WNT3: variants seen among roughly 807,000 people sequenced by gnomAD.
WNT3 encodes Wnt family member 3.
A neutral mutation model predicts 34.2 loss-of-function variants in WNT3; 7 were observed. That is an observed-to-expected ratio of 0.20 (90% CI 0.12 to 0.38). WNT3 has a LOEUF of 0.38. Among genes scored for constraint, WNT3 ranks in the 10% least tolerant of loss-of-function variants. The pLI, the probability that WNT3 is intolerant of heterozygous loss-of-function variation, is 1.00. For synonymous variants in WNT3, 212 were observed against 211.5 expected (o/e 1.00, Z -0.02); for missense variants, 267 against 499.8 (o/e 0.53, Z 4.44).
intron 1 of WNT3, among the ~76,000 whole-genome samples, chr17:46,815,279 C>G (rs2084326421): frequency 6.6e-6 from 1 of 152,170 alleles, no homozygotes; most frequent in Admixed American, 6.5e-5. Flanking sequence ...TGTCCCGGCT[C>G]TGTCACTACC....
At chr17:46,769,391 G>A (rs1045941985) in intron 3 of WNT3, among the ~76,000 whole-genome samples, 10 of 152,152 alleles carry the variant, frequency 6.6e-5, no homozygotes, top group African/African-American at 2.2e-4. Context: ...GGGAAACTGA[G>A]GCTGGGAACT....
chr17:46,793,041 G>A (rs1017721511), intron 1 of WNT3, among the ~76,000 whole-genome samples: 1 of 151,528 alleles, frequency 6.6e-6, no homozygotes, highest in African/African-American at 2.4e-5. Context: ...GAGGCGGGAG[G>A]AGCACTTGAG....
At chr17:46,775,803 C>G (rs936957281) in intron 1 of WNT3, among the ~76,000 whole-genome samples, 2 of 151,416 alleles carry the variant, frequency 1.3e-5, no homozygotes, top group South Asian at 4.2e-4. Flanking sequence ...TTAGTAGAGA[C>G]GGGGTTTCAC....
At position 46,818,582 on chromosome 17, in the gene WNT3, G is replaced by T; in HGVS notation, c.16C>A (p.Leu6Ile). The T allele has an allele frequency of 6.2e-7, 1 of 1,603,096 alleles. No homozygotes were observed. Among genetic ancestry groups the T allele is most frequent in the Non-Finnish European group, 8.5e-7 (1 of 1,175,544 alleles). ...AGCAGGAGGCCGAGGAGCAGCCCGA[G>T]CAGGTGGGGCTCCATTAGAAGAGGC... Reference protein sequence around the residue: MEPHLLGLLLGLLLGG... With the variant: MEPHLIGLLLGLLLGG... The change falls in exon 1 of 5, where the codon CTC becomes ATC. Residue 6 changes from leucine (L) to isoleucine (I), a missense_variant. By Grantham distance (5) the Leu-to-Ile change is conservative. Transcript: ENST00000225512.
In WNT3 at chr17:46,806,868, C is replaced by G. The variant is rs572943137; in HGVS notation, c.80+11650G>C. ...TTGGGGCTCCATCTGCAGAGTGGGG[C>G]TTGGCCCTCACGATGGCTGCTGGGG... is the stretch of plus-strand genomic sequence containing the variant. On this transcript the variant is annotated intron_variant, in intron 1 of 4. Coordinates refer to ENST00000225512, the MANE Select transcript of WNT3 (RefSeq NM_030753.5). Among the ~76,000 whole-genome samples the G allele has an allele frequency of 6.1e-3, 922 of 152,362 alleles. 6 individuals are homozygous for G. Among genetic ancestry groups the G allele is most frequent in the Middle Eastern group, 0.01 (3 of 294 alleles).
At chr17:46,800,997 T>C (rs1307525713) in intron 1 of WNT3, among the ~76,000 whole-genome samples, 1 of 152,054 alleles carries the variant, frequency 6.6e-6, no homozygotes, top group Non-Finnish European at 1.5e-5. Flanking sequence ...GACTGTAACA[T>C]GAAATTAATG....
intron 1 of WNT3, among the ~76,000 whole-genome samples, chr17:46,778,310 G>A (rs541357905): frequency 6.6e-6 from 1 of 152,326 alleles, no homozygotes; most frequent in Admixed American, 6.5e-5. Flanking sequence ...TTGTGATCTG[G>A]ATGAGGGTTC....
At chr17:46,812,207 C>T (rs565849281) in intron 1 of WNT3, among the ~76,000 whole-genome samples, 1 of 152,168 alleles carries the variant, frequency 6.6e-6, no homozygotes, top group Non-Finnish European at 1.5e-5. Context: ...AGGGAATTCC[C>T]TCTCTGGCAG....
At chr17:46,784,781 T>G (rs2059488365) in intron 1 of WNT3, among the ~76,000 whole-genome samples, 1 of 147,836 alleles carries the variant, frequency 6.8e-6, no homozygotes, top group South Asian at 2.1e-4. Flanking sequence ...GCTTTTCTTT[T>G]TTTTTTTTTT....
At chr17:46,793,124 AT>A (rs2084008351) in intron 1 of WNT3, among the ~76,000 whole-genome samples, 1 of 125,796 alleles carries the variant, frequency 7.9e-6, no homozygotes, top group South Asian at 2.8e-4. Context: ...AAAAAAAAAA[AT>A]TAGCTGGGCA....
At chr17:46,812,336 A>G (rs993297679) in intron 1 of WNT3, among the ~76,000 whole-genome samples, 3 of 150,314 alleles carry the variant, frequency 2.0e-5, no homozygotes, top group African/African-American at 7.4e-5. Context: ...CCACCCCCCT[A>G]CCCCCGCCCC....
At position 46,786,625 on chromosome 17, in the gene WNT3, C is replaced by T. The variant is rs146377550; in HGVS notation, c.81-12716G>A. On this transcript the variant is annotated intron_variant, in intron 1 of 4. Coordinates refer to ENST00000225512, the MANE Select transcript of WNT3 (RefSeq NM_030753.5). ...ACTTTGCTGCGCAGTTCAGGACTCC[C>T]AGGTAAAGCCCAGATGCCCTGTGCG... 4.7e-3 allele frequency among the ~76,000 whole-genome samples: 720 copies of T among 152,362 alleles called. 7 individuals carry two copies. The highest frequency in any genetic ancestry group is 0.014 in the African/African-American group (597 of 41,592).
rs1020987168 is a variant in WNT3, at chr17:46,763,956, A to T, written c.*674T>A. ...AGAACAGGGTTATAGAGAAAATGAG[A>T]CTGAGAAGAACACATGGCTGCTCTT... On this transcript the variant is annotated 3_prime_UTR_variant, in exon 5 of 5. Coordinates refer to ENST00000225512, the MANE Select transcript of WNT3 (RefSeq NM_030753.5). 7 of 152,132 alleles carry T rather than the reference A, an allele frequency of 4.6e-5. No homozygotes were observed. Among genetic ancestry groups the T allele is most frequent in the African/African-American group, 1.4e-4 (6 of 41,402 alleles). The allele number at this position is 152,132 out of a possible 1,614,324, so 9.4% of individuals were successfully genotyped here. A position where few individuals can be genotyped will look rare whatever the true frequency, so the allele number is the denominator to read the frequency against.
chr17:46,811,104 G>C (rs1478553713), intron 1 of WNT3, among the ~76,000 whole-genome samples: 1 of 152,156 alleles, frequency 6.6e-6, no homozygotes, highest in African/African-American at 2.4e-5. Context: ...CCTCCCGGCT[G>C]TACAGGCCAG....
chr17:46,768,535 C>T lies in WNT3; in HGVS notation c.853G>A (p.Glu285Lys). ...AAGGAACCCGTCTCTGGGTTGGGCT[C>T]ACAAAAGTTGGGGGAGTTCTCGTAG... ...VYYENSPNFC[E>K]PNPETGSFGT... The change falls in exon 4 of 5, where the codon GAG becomes AAG. Residue 285 changes from glutamate to lysine, a missense_variant. Glu to Lys is a moderately conservative substitution (Grantham distance 56, BLOSUM62 1). This residue lies in a region of WNT3 where 181 missense variants were observed against 391.3 expected (regional missense o/e 0.46). Coordinates refer to ENST00000225512, the MANE Select transcript of WNT3 (RefSeq NM_030753.5). This position sits in a 1 kb window ranked among gnomAD's most constrained non-coding sequence, Gnocchi z 5.0. The T allele has an allele frequency of 6.2e-7, 1 of 1,614,172 alleles. No homozygotes were observed. The highest frequency in any genetic ancestry group is 1.1e-5 in the South Asian group (1 of 91,084).
chr17:46,804,323 G>A (rs986648359), intron 1 of WNT3, among the ~76,000 whole-genome samples: 7 of 152,304 alleles, frequency 4.6e-5, no homozygotes, highest in African/African-American at 1.7e-4. Flanking sequence ...CTGACCTCAA[G>A]TGATCTGCCT....
intron 1 of WNT3, among the ~76,000 whole-genome samples, chr17:46,796,992 G>A (rs934564824): frequency 1.3e-5 from 2 of 152,110 alleles, no homozygotes; most frequent in African/African-American, 2.4e-5. Context: ...GAATCTTCTC[G>A]ATCCCATTTT....
chr17:46,780,763 C>A (rs1476980397), intron 1 of WNT3, among the ~76,000 whole-genome samples: 1 of 151,960 alleles, frequency 6.6e-6, no homozygotes, highest in Non-Finnish European at 1.5e-5. Flanking sequence ...GGTGACAGAG[C>A]AAGACTCTGT....
rs2059347794 is a variant in WNT3, at chr17:46,769,817, G to A, written c.554C>T (p.Ala185Val). The change falls in exon 3 of 5, where the codon GCC (alanine) becomes GTC (valine). Residue 185 changes from alanine to valine, a missense_variant. By Grantham distance (64) the Ala-to-Val change is moderately conservative (BLOSUM62 0). This residue lies in a region of WNT3 where 181 missense variants were observed against 391.3 expected (regional missense o/e 0.46). Transcript: ENST00000225512. ...CGCCTCGTTGTTGTGCTTGTTCATG[G>A]CCGAGCGCGCGTCCGGCCTGTTCTC... is the stretch of plus-strand genomic sequence containing the variant. ...ARENRPDARSAMNKHNNEAGR... is the reference protein window; with the variant it reads ...ARENRPDARSVMNKHNNEAGR... The A allele has an allele frequency of 6.2e-7, 1 of 1,612,724 alleles. No individual in the cohort carries two copies. Among genetic ancestry groups the A allele is most frequent in the East Asian group, 2.2e-5 (1 of 44,874 alleles).
Sources: allele counts gnomAD v4.1 joint callset (sites outside exome capture counted in the v4.1 genomes callset), GRCh38; gene constraint gnomAD v4.1.1; regional missense constraint gnomAD v4.1.1; non-coding constraint Gnocchi (gnomAD v3.1); transcripts MANE v1.5; gene names NCBI Gene and HGNC (gene_info 2026-07-23, HGNC 2026-07-21).